Variants in GLS observed in about 807,000 individuals in gnomAD.
GLS encodes glutaminase, also known as glutaminase kidney isoform, mitochondrial.
In GLS, 36 loss-of-function variants were observed where a neutral mutation model predicts 86.7. The ratio of observed to expected loss-of-function variants is 0.42; its 90% CI spans 0.32 to 0.55. The LOEUF (loss-of-function observed/expected upper bound fraction) is 0.55, where lower values mean the gene tolerates loss of function less well. Among genes scored for constraint, GLS ranks in the 20% least tolerant of loss-of-function variants. The pLI, the probability that GLS is intolerant of heterozygous loss-of-function variation, is 0.17. For synonymous variants in GLS, 317 were observed against 305.9 expected (o/e 1.04, Z -0.38); for missense variants, 528 against 833.4 (o/e 0.63, Z 4.51).
chr2:190,891,563 T>C (rs961645830), intron 1 of GLS, among the ~76,000 whole-genome samples: 1 of 152,058 alleles, frequency 6.6e-6, no homozygotes, highest in African/African-American at 2.4e-5. Flanking sequence ...GAATAAATAG[T>C]GTAAAACTAA....
intron 5 of GLS, among the ~76,000 whole-genome samples, chr2:190,903,304 TG>T (rs1481786518): frequency 6.6e-6 from 1 of 152,236 alleles, no homozygotes; most frequent in African/African-American, 2.4e-5. Flanking sequence ...GGACCATAGT[TG>T]ACATGATATT....
chr2:190,896,531 T>C (rs1457233513), intron 3 of GLS: 1 of 152,248 alleles, frequency 6.6e-6, no homozygotes, highest in Non-Finnish European at 1.5e-5. Context: ...TTTGAAAGTT[T>C]GTTATGTATG....
At chr2:190,885,329 T>C (rs948819638) in intron 1 of GLS, among the ~76,000 whole-genome samples, 3 of 151,896 alleles carry the variant, frequency 2.0e-5, no homozygotes, top group Non-Finnish European at 4.4e-5. Flanking sequence ...GTAGCTGGGA[T>C]TACAGGCACC....
chr2:190,897,183 A>G lies in GLS; in HGVS notation c.605+1458A>G, dbSNP rs1688771587. Among the ~76,000 whole-genome samples, 1 of 152,052 alleles carries G rather than the reference A, an allele frequency of 6.6e-6. No individual in the cohort carries two copies. Among genetic ancestry groups the G allele is most frequent in the Non-Finnish European group, 1.5e-5 (1 of 67,986 alleles). On this transcript the variant is annotated intron_variant, in intron 3 of 17. Transcript: ENST00000320717. This position sits in a 1 kb window ranked among gnomAD's most constrained non-coding sequence, Gnocchi z 4.3. Reference sequence around the variant, plus strand: ...TCTGGGATTAAGGGCGCCTGCCACCATGCCTGGCTTTTTTGTATTTTTAGT... The same window carrying G: ...TCTGGGATTAAGGGCGCCTGCCACCGTGCCTGGCTTTTTTGTATTTTTAGT...
At chr2:190,881,587 G>T (rs919060001) in intron 1 of GLS, 117 bp downstream of exon 1, 3 of 1,011,926 alleles carry the variant, frequency 3.0e-6, no homozygotes, top group Non-Finnish European at 4.2e-6. Context: ...GAGAAAGAAA[G>T]AGGTGCCGGG....
intron 14 of GLS, chr2:190,933,606 A>C: frequency 2.1e-6 from 2 of 948,100 alleles, no homozygotes; most frequent in Non-Finnish European, 2.5e-6. Flanking sequence ...ATCAATAAAA[A>C]GCTATAATGG....
intron 9 of GLS, among the ~76,000 whole-genome samples, chr2:190,922,147 A>G (rs1258291509): frequency 6.6e-6 from 1 of 152,126 alleles, no homozygotes; most frequent in Non-Finnish European, 1.5e-5. Flanking sequence ...TCTGCTGTTT[A>G]GTAGAAAACA....
Position 190,924,824 on chromosome 2 carries a change from AG to A in GLS, c.1248+232del. 2.5e-6 allele frequency: 1 copy of A among 395,996 alleles called. No individual in the cohort carries two copies. Among genetic ancestry groups the A allele is most frequent in the Non-Finnish European group, 4.6e-6 (1 of 215,730 alleles). The allele number at this position is 395,996 out of a possible 1,614,324, so 24.5% of individuals were successfully genotyped here. On this transcript the variant is annotated intron_variant, in intron 11 of 17. Coordinates refer to ENST00000320717, the MANE Select transcript of GLS (RefSeq NM_014905.5). This position sits in a 1 kb window ranked among gnomAD's most constrained non-coding sequence, Gnocchi z 5.2. ...CAGTTACTTGTGAGGCTGAGGCAGG[AG>A]AATCCCTTGAACCTGGAAGGCCGAG...
At chr2:190,888,388 A>G (rs1688457583) in intron 1 of GLS, among the ~76,000 whole-genome samples, 1 of 152,252 alleles carries the variant, frequency 6.6e-6, no homozygotes, top group Non-Finnish European at 1.5e-5. Flanking sequence ...TTTCTCTGCC[A>G]TATTAAAACA....
chr2:190,898,245 T>C (rs1312869627), intron 3 of GLS, among the ~76,000 whole-genome samples: 1 of 152,212 alleles, frequency 6.6e-6, no homozygotes, highest in Non-Finnish European at 1.5e-5. Flanking sequence ...TTGTGAGAAA[T>C]GTTTTGTCAA....
Position 190,920,259 on chromosome 2 carries a change from A to G in GLS, c.1039-765A>G, listed in dbSNP as rs1689688500. 1 of 151,906 alleles carries G rather than the reference A, an allele frequency of 6.6e-6. No homozygotes were observed. The highest frequency in any genetic ancestry group is 1.9e-4 in the East Asian group (1 of 5,196). 9.4% of individuals were successfully genotyped at this position (151,906 alleles called of 1,614,324 possible). A position where few individuals can be genotyped will look rare whatever the true frequency, so the allele number is the denominator to read the frequency against. On this transcript the variant is annotated intron_variant, in intron 7 of 17. Coordinates refer to ENST00000320717, the MANE Select transcript of GLS (RefSeq NM_014905.5). The surrounding 1 kb of genome is among the most constrained non-coding windows in gnomAD (Gnocchi z 4.2). ...GTAAACTTCGCCGAGGTAAAATGAA[A>G]CCATTTGGCTACTTGAACTGATCTA... is the stretch of plus-strand genomic sequence containing the variant.
At chr2:190,933,087 ATT>A (rs1690160935) in intron 14 of GLS, 1 of 977,126 alleles carries the variant, frequency 1.0e-6, no homozygotes, top group East Asian at 6.3e-5. Flanking sequence ...AATTTGCTTT[ATT>A]TTTAAAAATA....
chr2:190,892,343 G>A (rs938704088), intron 1 of GLS, among the ~76,000 whole-genome samples: 4 of 152,072 alleles, frequency 2.6e-5, no homozygotes, highest in African/African-American at 9.7e-5. Flanking sequence ...ATTATCTTCT[G>A]TTATATCCTA....
At position 190,913,177 on chromosome 2, in the gene GLS, T is replaced by C. The variant is rs912253949; in HGVS notation, c.1038+2856T>C. ...TGATTTCATAATTTTGTAGTATTGATATTTTTTCCTTGTAGGATTGGTGGT... is the reference window on the plus strand; with the variant it reads ...TGATTTCATAATTTTGTAGTATTGACATTTTTTCCTTGTAGGATTGGTGGT... On this transcript the variant is annotated intron_variant, in intron 7 of 17. Transcript: ENST00000320717. This position sits in a 1 kb window ranked among gnomAD's most constrained non-coding sequence, Gnocchi z 6.1. The C allele has an allele frequency of 5.4e-6, 7 of 1,297,172 alleles. No individual in the cohort carries two copies. Among genetic ancestry groups the C allele is most frequent in the Non-Finnish European group, 7.1e-6 (7 of 982,614 alleles). 80.4% of individuals were successfully genotyped at this position (1,297,172 alleles called of 1,614,324 possible).
In GLS at chr2:190,951,998, A is replaced by C. The variant is rs969994547; in HGVS notation, c.1651-1567A>C. On this transcript the variant is annotated intron_variant, in intron 14 of 17. Coordinates refer to ENST00000320717, the MANE Select transcript of GLS (RefSeq NM_014905.5). This position sits in a 1 kb window ranked among gnomAD's most constrained non-coding sequence, Gnocchi z 4.2. The stretch of plus-strand genomic sequence containing the variant: ...GGCAGAAGGATTGCTTAAGGCCCGG[A>C]GTTCAAGACCAGCCTGGCCAACATA... 2.0e-5 allele frequency among the ~76,000 whole-genome samples: 3 copies of C among 152,240 alleles called. No individual in the cohort carries two copies. The highest frequency in any genetic ancestry group is 4.4e-5 in the Non-Finnish European group (3 of 68,030).
rs781659872 is a variant in GLS, at chr2:190,895,764, T to C, written c.605+39T>C. ...CCAAACCTTTAATGGTGATTTGCTA[T>C]GCTATACGGTGATTCTGCTTTTAAA... On this transcript the variant is annotated intron_variant, in intron 3 of 17. Transcript: ENST00000320717. The surrounding 1 kb of genome is among the most constrained non-coding windows in gnomAD (Gnocchi z 4.2). 17 of 1,504,564 alleles carry C rather than the reference T, an allele frequency of 1.1e-5. No homozygotes were observed. The highest frequency in any genetic ancestry group is 1.5e-5 in the Non-Finnish European group (17 of 1,110,842). 93.2% of individuals were successfully genotyped at this position (1,504,564 alleles called of 1,614,324 possible). A position where few individuals can be genotyped will look rare whatever the true frequency, so the allele number is the denominator to read the frequency against.
chr2:190,883,762 A>G (rs1048279119), intron 1 of GLS, among the ~76,000 whole-genome samples: 1 of 152,234 alleles, frequency 6.6e-6, no homozygotes, highest in Admixed American at 6.5e-5. Flanking sequence ...CTGCTGATAA[A>G]TAAGTTCAGA....
Position 190,910,300 on chromosome 2 carries a change from T to A in GLS, c.1017T>A (p.Ile339=). ...PHNPMVNAGA[I]VVTSLIKQGV... ...ATCCTATGGTAAATGCTGGAGCAATTGTTGTGACTTCACTAATAAAGGTAA... is the reference window on the plus strand; with the variant it reads ...ATCCTATGGTAAATGCTGGAGCAATAGTTGTGACTTCACTAATAAAGGTAA... Residue 339 remains isoleucine (I), a synonymous_variant, in exon 7 of 18, where the codon ATT becomes ATA. Transcript: ENST00000320717. The A allele has an allele frequency of 6.3e-7, 1 of 1,576,400 alleles. No individual in the cohort carries two copies. Among genetic ancestry groups the A allele is most frequent in the Non-Finnish European group, 8.7e-7 (1 of 1,152,784 alleles).
At position 190,953,714 on chromosome 2, in the gene GLS, A is replaced by T. The variant is rs564321234; in HGVS notation, c.1712+88A>T. On this transcript the variant is annotated intron_variant, in intron 15 of 17. Coordinates refer to ENST00000320717, the MANE Select transcript of GLS (RefSeq NM_014905.5). This position sits in a 1 kb window ranked among gnomAD's most constrained non-coding sequence, Gnocchi z 4.0. ...GCAGCCATTTTAAGGTTAAAGTCTC[A>T]CTTTTCTTTCCCTTTGATAAAAATG... 23 of 903,420 alleles carry T rather than the reference A, an allele frequency of 2.5e-5. No homozygotes were observed. The highest frequency in any genetic ancestry group is 4.0e-5 in the Admixed American group (2 of 49,906). 56.0% of individuals were successfully genotyped at this position (903,420 alleles called of 1,614,324 possible).
Sources: gnomAD v4.1 joint callset for allele counts (sites outside exome capture counted in the v4.1 genomes callset) on GRCh38, gnomAD v4.1.1 for gene constraint, Gnocchi (gnomAD v3.1) non-coding constraint, MANE v1.5 for transcripts, NCBI Gene and HGNC (gene_info 2026-07-23, HGNC 2026-07-21) for gene names.